The following SLC16A1 variants were observed in gnomAD, a reference collection of about 807,000 sequenced individuals.
The protein encoded by SLC16A1 is solute carrier family 16 member 1.
In SLC16A1, 11 loss-of-function variants were observed where a neutral mutation model predicts 32.2. The ratio of observed to expected loss-of-function variants is 0.34; its 90% CI spans 0.21 to 0.56. The LOEUF (loss-of-function observed/expected upper bound fraction) is 0.56. Ranked by LOEUF, SLC16A1 falls within the 20% of genes least tolerant of loss-of-function variation. SLC16A1 has a pLI of 0.87. For missense variants in SLC16A1, 435 were observed against 615.0 expected (o/e 0.71, Z 3.10); for synonymous variants, 231 against 226.8 (o/e 1.02, Z -0.17).
At chr1:112,945,165 ATT>A (rs1649653951) in intron 1 of SLC16A1, among the ~76,000 whole-genome samples, 1 of 150,562 alleles carries the variant, frequency 6.6e-6, no homozygotes, top group South Asian at 2.1e-4. Context: ...TGCCTGCCTA[ATT>A]TTTGTATTTT....
chr1:112,918,104 T>TAAA, intron 3 of SLC16A1, 60 bp from the exon 4 acceptor site: 1 of 992,854 alleles, frequency 1.0e-6, no homozygotes, highest in Non-Finnish European at 1.3e-6. Context: ...AAATAAATAA[T>TAAA]AAGAGGTATA....
At chr1:112,930,891 G>A (rs999530375) in intron 1 of SLC16A1, among the ~76,000 whole-genome samples, 1 of 152,052 alleles carries the variant, frequency 6.6e-6, no homozygotes, top group African/African-American at 2.4e-5. Flanking sequence ...ACTGATTTTT[G>A]TATTTTTAGT....
chr1:112,923,054 G>A (rs886717478), intron 2 of SLC16A1, among the ~76,000 whole-genome samples: 1 of 151,812 alleles, frequency 6.6e-6, no homozygotes, highest in Non-Finnish European at 1.5e-5. Flanking sequence ...GGGTGGGCGT[G>A]GTGGCTCATG....
At chr1:112,929,816 C>A (rs1317371230) in intron 1 of SLC16A1, among the ~76,000 whole-genome samples, 2 of 152,170 alleles carry the variant, frequency 1.3e-5, no homozygotes, top group Non-Finnish European at 2.9e-5. Context: ...CACTGCACTG[C>A]AGCCTGGGTG....
At chr1:112,920,490 C>T (rs1453440409) in intron 3 of SLC16A1, among the ~76,000 whole-genome samples, 9 of 152,126 alleles carry the variant, frequency 5.9e-5, no homozygotes, top group Non-Finnish European at 1.0e-4. Flanking sequence ...CCTGTAATCC[C>T]GGCTACTTGG....
rs905954420 is a variant in SLC16A1, at chr1:112,918,117, T to C, written c.362-73A>G. 4 of 1,083,474 alleles carry C rather than the reference T, an allele frequency of 3.7e-6. No individual in the cohort carries two copies. In the African/African-American group the frequency reaches 6.6e-5, roughly 18 times the overall value. 67.1% of individuals were successfully genotyped at this position (1,083,474 alleles called of 1,614,324 possible). ...ATAAATAAATAATAAGAGGTATAAA[T>C]AATGGAAGGAATAGGATATAAATCC... On this transcript the variant is annotated intron_variant, in intron 3 of 4. Transcript: ENST00000369626.
Position 112,917,695 on chromosome 1 carries a change from G to T in SLC16A1, c.711C>A (p.His237Gln). ...HDANTDLIGRHPKQEKRSVFQ... is the reference protein window; with the variant it reads ...HDANTDLIGRQPKQEKRSVFQ... ...AGACTGATCGTTTCTCTTGTTTAGGGTGTCTTCCAATAAGATCTGTATTTG... is the reference window on the plus strand; with the variant it reads ...AGACTGATCGTTTCTCTTGTTTAGGTTGTCTTCCAATAAGATCTGTATTTG... The change falls in exon 4 of 5, where the codon CAC becomes CAA. Residue 237 changes from histidine (H) to glutamine (Q), a missense_variant. His to Gln is a conservative substitution (Grantham distance 24). Transcript: ENST00000369626. The surrounding 1 kb of genome is among the most constrained non-coding windows in gnomAD (Gnocchi z 4.1). The T allele has an allele frequency of 1.9e-6, 3 of 1,614,188 alleles. No individual in the cohort carries two copies. Among genetic ancestry groups the T allele is most frequent in the Non-Finnish European group, 2.5e-6 (3 of 1,180,038 alleles).
chr1:112,955,002 A>C (rs1650024713), intron 1 of SLC16A1, among the ~76,000 whole-genome samples: 1 of 152,194 alleles, frequency 6.6e-6, no homozygotes. Context: ...TTTTTGAAAA[A>C]AAAATTCAAA....
chr1:112,913,921 T>A lies in SLC16A1; in HGVS notation c.1473A>T (p.Gly491=), dbSNP rs1363246950. 1 of 1,614,134 alleles carries A rather than the reference T, an allele frequency of 6.2e-7. No individual in the cohort carries two copies. Residue 491 remains glycine (G), a synonymous_variant, in exon 5 of 5, where the codon GGA becomes GGT. Coordinates refer to ENST00000369626, the MANE Select transcript of SLC16A1 (RefSeq NM_003051.4). ...CTGGACTTTCCTCCTCCTTGGGCCCTCCATCTGTGTCTTTCTGGTCCGGAG... is the reference window on the plus strand; with the variant it reads ...CTGGACTTTCCTCCTCCTTGGGCCCACCATCTGTGTCTTTCTGGTCCGGAG... ...AESPDQKDTD[G]GPKEEESPV is the part of the protein sequence containing the mutation.
At chr1:112,918,385 T>C (rs1367013753) in intron 3 of SLC16A1, among the ~76,000 whole-genome samples, 1 of 152,228 alleles carries the variant, frequency 6.6e-6, no homozygotes, top group African/African-American at 2.4e-5. Context: ...TTTTTATTAT[T>C]GTTGTTTTTA....
At chr1:112,924,225 G>C (rs1346996176) in intron 2 of SLC16A1, 6 of 1,515,558 alleles carry the variant, frequency 4.0e-6, no homozygotes, top group Non-Finnish European at 5.5e-6. Flanking sequence ...GTCCAGCTTG[G>C]AGCAGTTGGA....
At chr1:112,923,953 G>A in intron 2 of SLC16A1, 1 of 1,507,860 alleles carries the variant, frequency 6.6e-7, no homozygotes. Flanking sequence ...CCTCTGGCTG[G>A]GGACCTGCTG....
intron 3 of SLC16A1, among the ~76,000 whole-genome samples, chr1:112,919,210 A>AT (rs1191664338): frequency 6.7e-6 from 1 of 149,594 alleles, no homozygotes; most frequent in Non-Finnish European, 1.5e-5. Flanking sequence ...TTTTTTTTGT[A>AT]TTTTTAGTAG....
intron 2 of SLC16A1, among the ~76,000 whole-genome samples, chr1:112,924,886 CA>C (rs919579254): frequency 6.6e-6 from 1 of 151,410 alleles, no homozygotes; most frequent in African/African-American, 2.4e-5. Flanking sequence ...AACAAACAAA[CA>C]AAAAAAACCC....
At position 112,917,216 on chromosome 1, in the gene SLC16A1, A is replaced by G; in HGVS notation, c.1190T>C (p.Val397Ala). 6.2e-7 allele frequency: 1 copy of G among 1,614,222 alleles called. No homozygotes were observed. ...FSSAVGLVTI[V>A]ECCPVLLGPP... ...CCCCAGGAGGACAGGACAGCATTCCACAATGGTCACCAATCCCACAGCGCT... is the reference window on the plus strand; with the variant it reads ...CCCCAGGAGGACAGGACAGCATTCCGCAATGGTCACCAATCCCACAGCGCT... Residue 397 changes from valine (V) to alanine (A), a missense_variant, in exon 4 of 5, where the codon GTG becomes GCG. Transcript: ENST00000369626. This position sits in a 1 kb window ranked among gnomAD's most constrained non-coding sequence, Gnocchi z 4.1.
Position 112,917,253 on chromosome 1 carries a change from G to T in SLC16A1, c.1153C>A (p.Gln385Lys). 6.2e-7 allele frequency: 1 copy of T among 1,614,142 alleles called. No individual in the cohort carries two copies. ...FETLMDLVGP[Q>K]RFSSAVGLVT... ...AATCCCACAGCGCTGGAGAACCTCT[G>T]GGGTCCAACAAGGTCCATCAATGTT... Residue 385 changes from glutamine (Q) to lysine (K), a missense_variant, in exon 4 of 5, where the codon CAG (glutamine) becomes AAG (lysine). This residue lies in a region of SLC16A1 where 324 missense variants were observed against 500.3 expected (regional missense o/e 0.65). Transcript: ENST00000369626. The surrounding 1 kb of genome is among the most constrained non-coding windows in gnomAD (Gnocchi z 4.1).
At chr1:112,944,892 C>T (rs1374723742) in intron 1 of SLC16A1, among the ~76,000 whole-genome samples, 1 of 151,904 alleles carries the variant, frequency 6.6e-6, no homozygotes, top group African/African-American at 2.4e-5. Flanking sequence ...GGGGTTTCAC[C>T]GTGCTGGCTA....
intron 3 of SLC16A1, 134 bp downstream of exon 3, chr1:112,921,856 A>T: frequency 9.5e-7 from 1 of 1,057,236 alleles, no homozygotes; most frequent in Non-Finnish European, 1.4e-6. Context: ...TTTTATCTCT[A>T]GTTCTTCAAA....
At chr1:112,951,631 G>A (rs1477962768) in intron 1 of SLC16A1, among the ~76,000 whole-genome samples, 15 of 152,100 alleles carry the variant, frequency 9.9e-5, no homozygotes. Context: ...CCAAGAAAGA[G>A]CATGAAAGAC....
Sources: gnomAD v4.1 joint callset for allele counts (sites outside exome capture counted in the v4.1 genomes callset) on GRCh38, gnomAD v4.1.1 for gene constraint, gnomAD v4.1.1 regional missense constraint, Gnocchi (gnomAD v3.1) non-coding constraint, MANE v1.5 for transcripts, NCBI Gene and HGNC (gene_info 2026-07-23, HGNC 2026-07-21) for gene names.